The following FYB2 variants were observed in gnomAD, a reference collection of about 807,000 sequenced individuals.
The protein encoded by FYB2 is FYN binding protein 2, also known as FYN-binding protein 2.
FYB2 carries 103 observed loss-of-function variants against 94.1 expected under a neutral mutation model. That is an observed-to-expected ratio of 1.09 (90% CI 0.93 to 1.29). The LOEUF (loss-of-function observed/expected upper bound fraction) is 1.29, where lower values mean the gene tolerates loss of function less well. Among genes scored for constraint, FYB2 ranks in the 50% most tolerant of loss-of-function variants. The pLI is 0.00. For synonymous variants in FYB2, 293 were observed against 287.9 expected, an observed-to-expected ratio of 1.02 and a Z score of -0.18; for missense variants, 896 against 841.5, an observed-to-expected ratio of 1.06 and a Z score of -0.80.
chr1:56,794,849 T>C (rs1263198107), intron 1 of FYB2, among the ~76,000 whole-genome samples: 2 of 152,162 alleles, frequency 1.3e-5, no homozygotes, highest in Non-Finnish European at 2.9e-5. Context: ...TTCACTTCAC[T>C]TTGTTGAGCC....
upstream of FYB2, chr1:56,824,073 A>T (rs7547964): frequency 0.71 from 108,598 of 152,160 alleles, 39,364 homozygotes; most frequent in South Asian, 0.79. Flanking sequence ...ACCACATGAA[A>T]GCCATGTTTA....
intron 4 of FYB2, among the ~76,000 whole-genome samples, chr1:56,771,745 G>A (rs754987836): frequency 1.3e-5 from 2 of 152,074 alleles, no homozygotes; most frequent in Middle Eastern, 3.2e-3. Flanking sequence ...TAATACAAAC[G>A]AGGTCTTAGC....
At chr1:56,787,796 A>T (rs544070693) in intron 3 of FYB2, among the ~76,000 whole-genome samples, 1 of 152,338 alleles carries the variant, frequency 6.6e-6, no homozygotes, top group East Asian at 1.9e-4. Flanking sequence ...ATGGCAAAAG[A>T]CTTAGTACTT....
chr1:56,786,313 A>G (rs1318481483), intron 4 of FYB2, among the ~76,000 whole-genome samples: 2 of 152,222 alleles, frequency 1.3e-5, no homozygotes, highest in Non-Finnish European at 2.9e-5. Context: ...CTAGCAATGG[A>G]GAACTGATAC....
chr1:56,740,430 C>T (rs1016946969), intron 13 of FYB2, among the ~76,000 whole-genome samples: 4 of 152,094 alleles, frequency 2.6e-5, no homozygotes, highest in African/African-American at 4.8e-5. Context: ...AGTTTCCTTT[C>T]TGGACTTCGC....
intron 12 of FYB2, 92 bp downstream of exon 12, chr1:56,742,069 G>C (rs971054809): frequency 9.4e-7 from 1 of 1,067,824 alleles, no homozygotes; most frequent in South Asian, 1.4e-5. Context: ...AGTGGGGCTG[G>C]GGGGCGGATG....
chr1:56,797,291 A>G (rs886570068), intron 1 of FYB2, among the ~76,000 whole-genome samples: 3 of 152,198 alleles, frequency 2.0e-5, no homozygotes, highest in Non-Finnish European at 2.9e-5. Context: ...TCTTAATGTC[A>G]TCGGGCTTAA....
chr1:56,823,198 G>A (rs1276484100), upstream of FYB2, among the ~76,000 whole-genome samples: 1 of 152,130 alleles, frequency 6.6e-6, no homozygotes, highest in African/African-American at 2.4e-5. Context: ...GCCATGCGGA[G>A]AGTACAGTTC....
chr1:56,808,829 A>G (rs777567261), intron 1 of FYB2, among the ~76,000 whole-genome samples: 14 of 152,214 alleles, frequency 9.2e-5, no homozygotes, highest in Admixed American at 6.5e-5. Flanking sequence ...TTTACAGCAG[A>G]GATTTCACTA....
chr1:56,799,994 A>G (rs934654516), intron 1 of FYB2, among the ~76,000 whole-genome samples: 1 of 152,224 alleles, frequency 6.6e-6, no homozygotes, highest in Non-Finnish European at 1.5e-5. Context: ...TGGAAAATAA[A>G]GGTTAACTCA....
chr1:56,808,630 G>C (rs1189591619), intron 1 of FYB2, among the ~76,000 whole-genome samples: 3 of 152,182 alleles, frequency 2.0e-5, no homozygotes, highest in Non-Finnish European at 2.9e-5. Context: ...AACACATTCT[G>C]CAGCCTAGCT....
At chr1:56,746,114 T>C (rs1185817040) in intron 9 of FYB2, among the ~76,000 whole-genome samples, 1 of 152,018 alleles carries the variant, frequency 6.6e-6, no homozygotes, top group Non-Finnish European at 1.5e-5. Flanking sequence ...CCATTCAATA[T>C]AGATCTTTTA....
chr1:56,819,282 C>A lies in FYB2; in HGVS notation c.9G>T (p.Gly3=). 6.2e-7 allele frequency: 1 copy of A among 1,614,216 alleles called. No homozygotes were observed. Among genetic ancestry groups the A allele is most frequent in the Non-Finnish European group, 8.5e-7 (1 of 1,180,040 alleles). Residue 3 remains glycine, a splice_region_variant and synonymous_variant, in exon 1 of 20, where the codon GGG becomes GGT. Coordinates refer to ENST00000343433, the MANE Select transcript of FYB2 (RefSeq NM_001004303.5). The stretch of plus-strand genomic sequence containing the variant: ...AGCAACAAAACTGAGACAGCCTTAC[C>A]CCTTCCATTGCTTTCCTCCAAGGCA... The part of the protein sequence containing the change: ME[G]EGVRNFKELR...
chr1:56,723,520 A>AT lies in FYB2; in HGVS notation c.1974+67dup, dbSNP rs559924677. ...AGGCAGAGGCACAGCATACTTACAGATTTTTTTTTTAAATGAAAGCTCCTA... is the reference window on the plus strand; with the variant it reads ...AGGCAGAGGCACAGCATACTTACAGATTTTTTTTTTTAAATGAAAGCTCCTA... On this transcript the variant is annotated intron_variant, in intron 17 of 19. Coordinates refer to ENST00000343433, the MANE Select transcript of FYB2 (RefSeq NM_001004303.5). 3,232 of 833,458 alleles carry AT rather than the reference A, an allele frequency of 3.9e-3. 12 individuals carry two copies. Among genetic ancestry groups the AT allele is most frequent in the African/African-American group, 0.018 (1,016 of 55,616 alleles). 51.6% of individuals were successfully genotyped at this position (833,458 alleles called of 1,614,324 possible). A position where few individuals can be genotyped will look rare whatever the true frequency, so the allele number is the denominator to read the frequency against.
Position 56,719,370 on chromosome 1 carries a change from C to CTT in FYB2, c.*299_*300dup. The CTT allele has an allele frequency of 6.8e-6, 2 of 295,758 alleles. No individual in the cohort carries two copies. Among genetic ancestry groups the CTT allele is most frequent in the Non-Finnish European group, 1.3e-5 (2 of 159,460 alleles). The allele number at this position is 295,758 out of a possible 1,614,324, so 18.3% of individuals were successfully genotyped here. On this transcript the variant is annotated 3_prime_UTR_variant, in exon 20 of 20. Transcript: ENST00000343433. ...AGGTGCCATAAGGCATGATTTCTAA[C>CTT]TTTGGATATGGCTCATTAAATAAGT...
intron 5 of FYB2, among the ~76,000 whole-genome samples, chr1:56,761,288 T>A (rs1331550583): frequency 6.6e-6 from 1 of 152,228 alleles, no homozygotes; most frequent in Non-Finnish European, 1.5e-5. Flanking sequence ...GCCAAGCATT[T>A]AAATGCATTA....
At chr1:56,752,824 G>C (rs857109) in intron 8 of FYB2, among the ~76,000 whole-genome samples, 34,156 of 152,018 alleles carry the variant, frequency 0.22, 3,949 homozygotes, top group South Asian at 0.33. Context: ...AAAGAGCAGA[G>C]CTTGTGATTT....
intron 15 of FYB2, among the ~76,000 whole-genome samples, chr1:56,729,026 C>T (rs576809284): frequency 2.0e-4 from 31 of 152,192 alleles, no homozygotes; most frequent in African/African-American, 5.5e-4. Flanking sequence ...CCAAGTAGTA[C>T]AGTATGGATG....
chr1:56,778,855 T>G (rs1223463441), intron 4 of FYB2, among the ~76,000 whole-genome samples: 1 of 152,218 alleles, frequency 6.6e-6, no homozygotes, highest in Non-Finnish European at 1.5e-5. Context: ...GCAGACACTT[T>G]GTGTTCATTT....
Sources: allele counts gnomAD v4.1 joint callset (sites outside exome capture counted in the v4.1 genomes callset), GRCh38; gene constraint gnomAD v4.1.1; transcripts MANE v1.5; gene names NCBI Gene and HGNC (gene_info 2026-07-23, HGNC 2026-07-21).